SLIT3: variants seen among roughly 807,000 people sequenced by gnomAD.
SLIT3 encodes the protein slit guidance ligand 3.
A neutral mutation model predicts 184.0 loss-of-function variants in SLIT3; 68 were observed. The observed-to-expected ratio is 0.37, with a 90% CI of 0.30 to 0.45. The LOEUF (loss-of-function observed/expected upper bound fraction) is 0.45. Ranked by LOEUF, SLIT3 falls within the 20% of genes least tolerant of loss-of-function variation. The probability of loss-of-function intolerance (pLI) is 1.00; values close to 1 mark genes in which losing one functional copy is unlikely to be tolerated. For synonymous variants in SLIT3, 831 were observed against 828.6 expected (o/e 1.00, Z -0.05); for missense variants, 1,707 against 2,026.0 (o/e 0.84, Z 3.02).
chr5:169,050,748 C>T (rs1042966112), intron 4 of SLIT3, among the ~76,000 whole-genome samples: 3 of 151,828 alleles, frequency 2.0e-5, no homozygotes, highest in Admixed American at 1.3e-4. Flanking sequence ...CCAACTGTAA[C>T]GTGTAGATTT....
intron 4 of SLIT3, among the ~76,000 whole-genome samples, chr5:169,137,669 G>A (rs539053275): frequency 1.3e-5 from 2 of 151,842 alleles, no homozygotes; most frequent in South Asian, 2.1e-4. Flanking sequence ...TGCCTCATAC[G>A]GTGCCACATA....
At chr5:169,205,979 G>C (rs1480348161) in intron 3 of SLIT3, among the ~76,000 whole-genome samples, 1 of 152,222 alleles carries the variant, frequency 6.6e-6, no homozygotes, top group African/African-American at 2.4e-5. Flanking sequence ...GCCAGAGTCA[G>C]GGCAAGCATT....
intron 12 of SLIT3, among the ~76,000 whole-genome samples, chr5:168,783,062 A>C (rs1168957142): frequency 2.0e-5 from 3 of 152,198 alleles, no homozygotes; most frequent in Non-Finnish European, 4.4e-5. Flanking sequence ...TCAGCAAACG[A>C]GTGACAGAAG....
chr5:168,794,932 C>T (rs1264754479), intron 10 of SLIT3, among the ~76,000 whole-genome samples: 1 of 152,168 alleles, frequency 6.6e-6, no homozygotes, highest in Non-Finnish European at 1.5e-5. Flanking sequence ...AAGACACCCT[C>T]CCACCATCAC....
intron 4 of SLIT3, among the ~76,000 whole-genome samples, chr5:168,940,762 C>T (rs528483124): frequency 6.6e-6 from 1 of 152,096 alleles, no homozygotes; most frequent in Non-Finnish European, 1.5e-5. Flanking sequence ...TGAAAGCTGC[C>T]AGTGTTGTCA....
chr5:169,205,399 A>G (rs752291091), intron 3 of SLIT3, among the ~76,000 whole-genome samples: 3 of 152,188 alleles, frequency 2.0e-5, no homozygotes, highest in Non-Finnish European at 2.9e-5. Context: ...AATGTACTGC[A>G]TGGCCTTAGG....
intron 4 of SLIT3, among the ~76,000 whole-genome samples, chr5:168,979,430 A>G (rs529151658): frequency 6.6e-6 from 1 of 152,334 alleles, no homozygotes; most frequent in Admixed American, 6.5e-5. Context: ...TGCAACAATC[A>G]GAGAGGCAGA....
At chr5:169,097,550 C>A (rs1345420576) in intron 4 of SLIT3, among the ~76,000 whole-genome samples, 1 of 152,200 alleles carries the variant, frequency 6.6e-6, no homozygotes, top group East Asian at 1.9e-4. Context: ...ATGCTTTCAC[C>A]TTTTTGGGAC....
intron 4 of SLIT3, among the ~76,000 whole-genome samples, chr5:168,989,801 C>A (rs1414427893): frequency 1.1e-4 from 16 of 152,192 alleles, no homozygotes; most frequent in Non-Finnish European, 4.4e-5. Flanking sequence ...TGCCAGAAAC[C>A]AGGATGGGAC....
At chr5:169,097,055 A>G (rs550743462) in intron 4 of SLIT3, among the ~76,000 whole-genome samples, 20 of 152,258 alleles carry the variant, frequency 1.3e-4, no homozygotes, top group African/African-American at 4.6e-4. Context: ...GAATATGCAT[A>G]GATAGTTTGT....
At chr5:168,979,294 A>G (rs1754871784) in intron 4 of SLIT3, among the ~76,000 whole-genome samples, 1 of 152,210 alleles carries the variant, frequency 6.6e-6, no homozygotes, top group African/African-American at 2.4e-5. Context: ...GAAGAGGACA[A>G]GATGTGCACT....
At chr5:168,787,054 A>C (rs981070362) in intron 11 of SLIT3, among the ~76,000 whole-genome samples, 1 of 151,066 alleles carries the variant, frequency 6.6e-6, no homozygotes, top group Admixed American at 6.6e-5. Context: ...GATAAACCAA[A>C]CCCCCCTTTT....
At chr5:168,996,564 CT>C (rs1447230405) in intron 4 of SLIT3, among the ~76,000 whole-genome samples, 12 of 152,236 alleles carry the variant, frequency 7.9e-5, no homozygotes, top group African/African-American at 2.9e-4. Context: ...ACGTCAAGCG[CT>C]TCGTGATGCC....
chr5:169,032,058 G>A (rs1757044726), intron 4 of SLIT3, among the ~76,000 whole-genome samples: 1 of 152,144 alleles, frequency 6.6e-6, no homozygotes, highest in Non-Finnish European at 1.5e-5. Flanking sequence ...CGTAGGACAG[G>A]CCACATAACC....
rs1765770195 is a variant in SLIT3, at chr5:169,251,405, G to A, written c.252C>T (p.Leu84=). ...TRITKMDFAG[L]KNLRVLHLED... ...CTACTTACAAGACTCGGAGGTTCTT[G>A]AGCCCAGCGAAGTCCATCTTGGTGA... Residue 84 remains leucine, a synonymous_variant, in exon 2 of 36, where the codon CTC becomes CTT. Transcript: ENST00000519560. The A allele has an allele frequency of 6.2e-7, 1 of 1,612,970 alleles. No individual in the cohort carries two copies. The highest frequency in any genetic ancestry group is 8.5e-7 in the Non-Finnish European group (1 of 1,178,964).
intron 3 of SLIT3, among the ~76,000 whole-genome samples, chr5:169,243,380 T>G (rs1640197615): frequency 6.6e-6 from 1 of 152,220 alleles, no homozygotes; most frequent in Admixed American, 6.5e-5. Flanking sequence ...AAGAAGAACT[T>G]GAGTGTTAAG....
chr5:168,735,703 CA>C, intron 20 of SLIT3, among the ~76,000 whole-genome samples: 1 of 144,132 alleles, frequency 6.9e-6, no homozygotes, highest in Non-Finnish European at 1.5e-5. Flanking sequence ...CACACACACA[CA>C]CATCTCCATC....
chr5:168,839,159 G>A (rs913346347), intron 6 of SLIT3, among the ~76,000 whole-genome samples: 4 of 152,220 alleles, frequency 2.6e-5, no homozygotes, highest in African/African-American at 4.8e-5. Context: ...GCTTAGGTTC[G>A]GGCGTCCTGG....
rs549441096 is a variant in SLIT3, at chr5:168,924,167, T to A, written c.414-40831A>T. On this transcript the variant is annotated intron_variant, in intron 4 of 35. Coordinates refer to ENST00000519560, the MANE Select transcript of SLIT3 (RefSeq NM_003062.4). ...CACCTCTGACCCTTCTGCTCTGTCA[T>A]TTCAGTCATGGTGGCAGACTTTTGG... Among the ~76,000 whole-genome samples, 7 of 152,342 alleles carry A rather than the reference T, an allele frequency of 4.6e-5. No individual in the cohort carries two copies. In the East Asian group the frequency reaches 1.3e-3, roughly 29 times the overall value.
Sources: allele counts gnomAD v4.1 joint callset (sites outside exome capture counted in the v4.1 genomes callset), GRCh38; gene constraint gnomAD v4.1.1; transcripts MANE v1.5; gene names NCBI Gene and HGNC (gene_info 2026-07-23, HGNC 2026-07-21).